The following GRXCR2 variants were observed in gnomAD, a reference collection of about 807,000 sequenced individuals.
The protein encoded by GRXCR2 is glutaredoxin and cysteine rich domain containing 2.
In GRXCR2, 23 loss-of-function variants were observed where a neutral mutation model predicts 24.8. That is an observed-to-expected ratio of 0.93 (90% confidence interval 0.67 to 1.32). The LOEUF (loss-of-function observed/expected upper bound fraction) is 1.32. Ranked by LOEUF, GRXCR2 falls within the 40% of genes most tolerant of loss-of-function variation. GRXCR2 has a pLI of 0.00. For missense variants in GRXCR2, 315 were observed against 303.4 expected (o/e 1.04, Z -0.28); for synonymous variants, 130 against 116.1 (o/e 1.12, Z -0.77).
intron 2 of GRXCR2, among the ~76,000 whole-genome samples, chr5:145,924,419 T>C (rs1757363720): frequency 6.6e-6 from 1 of 152,134 alleles, no homozygotes; most frequent in African/African-American, 2.4e-5. Flanking sequence ...TAATACTAAT[T>C]CCCCCTATGC....
At chr5:145,906,238 G>A (rs1757088644) in intron 2 of GRXCR2, among the ~76,000 whole-genome samples, 1 of 152,022 alleles carries the variant, frequency 6.6e-6, no homozygotes, top group Admixed American at 6.5e-5. Flanking sequence ...TGATTCGACT[G>A]GCCAAGGGGA....
At chr5:145,877,554 C>T (rs1031411144), upstream of GRXCR2, among the ~76,000 whole-genome samples, 1 of 152,146 alleles carries the variant, frequency 6.6e-6, no homozygotes, top group African/African-American at 2.4e-5. Context: ...TGTTCTGTGA[C>T]ATAGAATTTA....
chr5:145,901,343 T>C (rs1465302344), intron 2 of GRXCR2, among the ~76,000 whole-genome samples: 1 of 152,134 alleles, frequency 6.6e-6, no homozygotes, highest in Non-Finnish European at 1.5e-5. Context: ...TCCATGTTAA[T>C]ATATATAGAA....
At chr5:145,883,417 C>T (rs1414213846) in intron 2 of GRXCR2, among the ~76,000 whole-genome samples, 2 of 152,160 alleles carry the variant, frequency 1.3e-5, no homozygotes, top group African/African-American at 2.4e-5. Context: ...AAATCCTCAA[C>T]ATTTTGCATT....
chr5:145,887,794 A>G (rs1262470276), intron 2 of GRXCR2, among the ~76,000 whole-genome samples: 1 of 152,204 alleles, frequency 6.6e-6, no homozygotes, highest in African/African-American at 2.4e-5. Context: ...ACCATTTTGT[A>G]AAAGTATTTC....
chr5:145,861,376 G>T (rs1173620490), intron 2 of GRXCR2, among the ~76,000 whole-genome samples: 2 of 152,118 alleles, frequency 1.3e-5, no homozygotes, highest in Non-Finnish European at 2.9e-5. Flanking sequence ...CTTTCATCAG[G>T]ATCTTGTTCA....
intron 2 of GRXCR2, among the ~76,000 whole-genome samples, chr5:145,907,536 A>T (rs1302672213): frequency 1.3e-5 from 2 of 152,006 alleles, no homozygotes; most frequent in African/African-American, 2.4e-5. Context: ...CTCAAAAAAA[A>T]AAAAGTAATA....
At position 145,866,649 on chromosome 5, in the gene GRXCR2, C is replaced by T. The variant is rs750674789; in HGVS notation, c.416G>A (p.Arg139Lys). Residue 139 changes from arginine to lysine, a missense_variant, in exon 2 of 3, where the codon AGA (arginine) becomes AAA (lysine). Transcript: ENST00000377976. ...CTGGAGAATTTTCCTCACAAAATCT[C>T]TCTTGTCCATTGGGGTTCGAATGAT... ...LKIIRTPMDK[R>K]DFVRKILQKE... 5 of 1,613,924 alleles carry T rather than the reference C, an allele frequency of 3.1e-6. No individual in the cohort carries two copies. In the African/African-American group the frequency reaches 4.0e-5, roughly 13 times the overall value.
chr5:145,893,425 G>C (rs1407215719), intron 2 of GRXCR2, among the ~76,000 whole-genome samples: 3 of 152,112 alleles, frequency 2.0e-5, no homozygotes, highest in Admixed American at 2.0e-4. Flanking sequence ...TCAAAATAAA[G>C]GGATGGAGGA....
chr5:145,861,465 G>T (rs1295806286), intron 2 of GRXCR2, among the ~76,000 whole-genome samples: 1 of 152,010 alleles, frequency 6.6e-6, no homozygotes. Context: ...CCAGAAGTCA[G>T]CTTAGCAGCT....
intron 1 of GRXCR2, among the ~76,000 whole-genome samples, chr5:145,868,680 C>T (rs1187445694): frequency 2.0e-5 from 3 of 151,976 alleles, no homozygotes; most frequent in Admixed American, 2.0e-4. Context: ...TTTTTCAAGA[C>T]AAAACTCTCA....
chr5:145,887,856 C>G (rs768258173), intron 2 of GRXCR2, among the ~76,000 whole-genome samples: 2 of 152,204 alleles, frequency 1.3e-5, no homozygotes, highest in Non-Finnish European at 2.9e-5. Flanking sequence ...CCATCCCAAT[C>G]ACAGGGATCC....
At chr5:145,907,612 G>T (rs888362932) in intron 2 of GRXCR2, among the ~76,000 whole-genome samples, 5 of 152,138 alleles carry the variant, frequency 3.3e-5, no homozygotes, top group Admixed American at 6.6e-5. Context: ...CAGAAACCAA[G>T]AGAGAGGGTG....
chr5:145,857,921 T>A (rs552440072), downstream of GRXCR2, among the ~76,000 whole-genome samples: 1 of 152,330 alleles, frequency 6.6e-6, no homozygotes, highest in African/African-American at 2.4e-5. Context: ...ACCAAAGGGA[T>A]GATGCCTCTC....
intron 2 of GRXCR2, among the ~76,000 whole-genome samples, chr5:145,910,445 C>T (rs1757150068): frequency 6.6e-6 from 1 of 152,022 alleles, no homozygotes; most frequent in African/African-American, 2.4e-5. Context: ...CCCCACTGTT[C>T]ATAAAAATAA....
At chr5:145,906,018 C>T (rs979702002) in intron 2 of GRXCR2, among the ~76,000 whole-genome samples, 9 of 152,086 alleles carry the variant, frequency 5.9e-5, no homozygotes, top group Admixed American at 1.3e-4. Context: ...TTATTTTAAT[C>T]GGGAGCCATT....
At chr5:145,876,818 CAAG>C (rs1259785043), upstream of GRXCR2, among the ~76,000 whole-genome samples, 5 of 152,116 alleles carry the variant, frequency 3.3e-5, no homozygotes, top group African/African-American at 7.2e-5. Context: ...AAATACACTT[CAAG>C]AAGAAGAACA....
At position 145,859,630 on chromosome 5, in the gene GRXCR2, T is replaced by C; in HGVS notation, c.*103A>G. 9.6e-7 allele frequency: 1 copy of C among 1,046,812 alleles called. No individual in the cohort carries two copies. Among genetic ancestry groups the C allele is most frequent in the Non-Finnish European group, 1.5e-6 (1 of 688,732 alleles). The allele number at this position is 1,046,812 out of a possible 1,614,324, so 64.8% of individuals were successfully genotyped here. On this transcript the variant is annotated 3_prime_UTR_variant, in exon 3 of 3. Transcript: ENST00000377976. ...CAGCAGTGGGAGTGACTGCAGCCAC[T>C]GTGGCCTCCTTGTTGGGAGAGGCAG...
intron 2 of GRXCR2, among the ~76,000 whole-genome samples, chr5:145,884,140 A>G (rs949848509): frequency 7.9e-5 from 12 of 152,288 alleles, no homozygotes; most frequent in Non-Finnish European, 1.2e-4. Context: ...AGTATTCTGG[A>G]CAAAAATCTT....
Sources: gnomAD v4.1 joint callset for allele counts (sites outside exome capture counted in the v4.1 genomes callset) on GRCh38, gnomAD v4.1.1 for gene constraint, MANE v1.5 for transcripts, NCBI Gene and HGNC (gene_info 2026-07-23, HGNC 2026-07-21) for gene names.